The following BMP2K variants were observed in gnomAD, a reference collection of about 807,000 sequenced individuals.
BMP2K encodes BMP-2-inducible protein kinase.
BMP2K carries 74 observed loss-of-function variants against 116.0 expected under a neutral mutation model. The observed-to-expected ratio is 0.64, with a 90% CI of 0.53 to 0.77. The LOEUF is 0.77. BMP2K is among the 30% of genes least tolerant of loss of function. The pLI, the probability that BMP2K is intolerant of heterozygous loss-of-function variation, is 0.00. For missense variants in BMP2K, 1,365 were observed against 1,403.6 expected (o/e 0.97, Z 0.44); for synonymous variants, 486 against 502.5 (o/e 0.97, Z 0.44).
chr4:78,870,970 GCAGCAA>G lies in BMP2K; in HGVS notation c.1431_1436del (p.Gln485_Gln486del), dbSNP rs748754486. 8.1e-6 allele frequency: 13 copies of G among 1,610,576 alleles called. No homozygotes were observed. The highest frequency in any genetic ancestry group is 1.7e-4 in the Middle Eastern group (1 of 6,048). On this transcript the variant is annotated inframe_deletion, in exon 11 of 16. Coordinates refer to ENST00000502613, the MANE Select transcript of BMP2K (RefSeq NM_198892.2). The stretch of plus-strand genomic sequence containing the variant: ...AGCAGCAGCAACAGCAACAGCAGCA[GCAGCAA>G]CAGCAACAGCAGCAGCAGCAGCAGC...
At chr4:78,867,964 G>A (rs1732136898) in intron 10 of BMP2K, among the ~76,000 whole-genome samples, 1 of 152,142 alleles carries the variant, frequency 6.6e-6, no homozygotes, top group Non-Finnish European at 1.5e-5. Context: ...GGAGGCTGAG[G>A]CACAAGAGTC....
Position 78,859,613 on chromosome 4 carries a change from A to C in BMP2K, c.913A>C (p.Arg305=). The C allele has an allele frequency of 6.2e-7, 1 of 1,610,578 alleles. No homozygotes were observed. Among genetic ancestry groups the C allele is most frequent in the Non-Finnish European group, 8.5e-7 (1 of 1,178,254 alleles). The change falls in exon 8 of 16, where the codon AGA becomes CGA. Residue 305 remains arginine (R), a synonymous_variant. Coordinates refer to ENST00000502613, the MANE Select transcript of BMP2K (RefSeq NM_198892.2). ...RFMLEPDPEH[R]PDIFQVSYFA... ...CATGCTTGAACCAGATCCGGAACAT[A>C]GACCTGATATATTTCAAGTGTCATA...
intron 1 of BMP2K, among the ~76,000 whole-genome samples, chr4:78,789,650 A>C (rs1578467760): frequency 6.6e-6 from 1 of 152,238 alleles, no homozygotes. Context: ...CATGTGTTAC[A>C]GTTACTTGAG....
At chr4:78,859,997 T>A (rs1202045762) in intron 8 of BMP2K, 1 of 535,892 alleles carries the variant, frequency 1.9e-6, no homozygotes, top group Non-Finnish European at 3.5e-6. Flanking sequence ...CCTAACAGTT[T>A]AATAAACAGG....
intron 1 of BMP2K, among the ~76,000 whole-genome samples, chr4:78,792,828 A>G (rs1244578028): frequency 6.6e-6 from 1 of 152,234 alleles, no homozygotes; most frequent in East Asian, 1.9e-4. Context: ...TTAAGAAAGT[A>G]CTAATTATCA....
intron 1 of BMP2K, among the ~76,000 whole-genome samples, chr4:78,796,270 G>T (rs1235415251): frequency 3.3e-5 from 5 of 151,592 alleles, no homozygotes; most frequent in African/African-American, 1.2e-4. Context: ...ATCATTCTCA[G>T]TAAACTATTG....
At chr4:78,849,715 C>A (rs1384707722) in intron 6 of BMP2K, among the ~76,000 whole-genome samples, 3 of 151,446 alleles carry the variant, frequency 2.0e-5, no homozygotes, top group Non-Finnish European at 4.4e-5. Flanking sequence ...AACCTGTTAT[C>A]CCTACTTCAG....
intron 1 of BMP2K, among the ~76,000 whole-genome samples, chr4:78,800,293 GT>G (rs1728505935): frequency 6.6e-6 from 1 of 152,196 alleles, no homozygotes; most frequent in Admixed American, 6.5e-5. Context: ...AGAAGGCTGT[GT>G]TTACTTGGCA....
chr4:78,780,034 CAT>C (rs2109914196), intron 1 of BMP2K, among the ~76,000 whole-genome samples: 1 of 152,264 alleles, frequency 6.6e-6, no homozygotes, highest in East Asian at 1.9e-4. Flanking sequence ...TTGTCAGGCT[CAT>C]ATAATTAATT....
chr4:78,871,883 C>G lies in BMP2K; in HGVS notation c.1543C>G (p.Gln515Glu), dbSNP rs1408993498. The G allele has an allele frequency of 6.2e-7, 1 of 1,613,006 alleles. No homozygotes were observed. The highest frequency in any genetic ancestry group is 8.5e-7 in the Non-Finnish European group (1 of 1,179,452). Reference sequence around the variant, plus strand: ...TGCAACACAGCAGCAACAGATGCTTCAACAACAATTTTTAATGCATTCGGT... The same window carrying G: ...TGCAACACAGCAGCAACAGATGCTTGAACAACAATTTTTAATGCATTCGGT... ...QHATQQQQML[Q>E]QQFLMHSVYQ... The change falls in exon 12 of 16, where the codon CAA becomes GAA. Residue 515 changes from glutamine to glutamate, a missense_variant. Gln to Glu is a conservative substitution (Grantham distance 29). Transcript: ENST00000502613.
intron 13 of BMP2K, among the ~76,000 whole-genome samples, chr4:78,878,256 A>G (rs1458081506): frequency 6.6e-6 from 1 of 152,190 alleles, no homozygotes; most frequent in African/African-American, 2.4e-5. Flanking sequence ...TAACCAAGGC[A>G]TTTGATCACT....
At chr4:78,847,845 C>T (rs3775515) in intron 6 of BMP2K, among the ~76,000 whole-genome samples, 26,018 of 151,350 alleles carry the variant, frequency 0.17, 4,544 homozygotes, top group African/African-American at 0.45. Context: ...TTTATAAATA[C>T]GTTTGTGATT....
rs1236761054 is a variant in BMP2K, at chr4:78,913,382, A to C, written c.*1349A>C. ...TAATTAGAAACTTGAGGTTTTATAG[A>C]AATCATTTAATGATAGAGATTACAT... On this transcript the variant is annotated 3_prime_UTR_variant, in exon 16 of 16. Coordinates refer to ENST00000502613, the MANE Select transcript of BMP2K (RefSeq NM_198892.2). 6.6e-6 allele frequency: 1 copy of C among 152,184 alleles called. No homozygotes were observed. Among genetic ancestry groups the C allele is most frequent in the African/African-American group, 2.4e-5 (1 of 41,462 alleles). The allele number at this position is 152,184 out of a possible 1,614,324, so 9.4% of individuals were successfully genotyped here.
intron 2 of BMP2K, 38 bp from the exon 3 acceptor site, chr4:78,833,544 G>A (rs373570708): frequency 1.7e-5 from 23 of 1,349,904 alleles, no homozygotes; most frequent in Non-Finnish European, 2.4e-5. Flanking sequence ...ACCTTTAAAT[G>A]TACATTTTCC....
At chr4:78,903,979 AGGTC>A (rs1172449265) in intron 15 of BMP2K, among the ~76,000 whole-genome samples, 7 of 151,986 alleles carry the variant, frequency 4.6e-5, no homozygotes, top group Non-Finnish European at 7.4e-5. Flanking sequence ...AAATTTAGGC[AGGTC>A]TCAGATTTCT....
intron 15 of BMP2K, among the ~76,000 whole-genome samples, chr4:78,887,555 AT>A (rs1350293670): frequency 6.6e-6 from 1 of 152,212 alleles, no homozygotes; most frequent in Non-Finnish European, 1.5e-5. Flanking sequence ...GTTGAAAAAA[AT>A]ATTTAAAGAT....
chr4:78,895,283 C>T (rs908179612), intron 15 of BMP2K, among the ~76,000 whole-genome samples: 8 of 152,126 alleles, frequency 5.3e-5, no homozygotes, highest in African/African-American at 1.9e-4. Flanking sequence ...CAAAAACGTA[C>T]ACCTGTATTT....
Position 78,842,214 on chromosome 4 carries a change from A to T in BMP2K, c.404-171A>T, listed in dbSNP as rs572702722. Among the ~76,000 whole-genome samples the T allele has an allele frequency of 4.9e-4, 74 of 152,232 alleles. 1 individual carries two copies. The South Asian group carries it at 8.3e-3, about 17-fold the overall frequency. On this transcript the variant is annotated intron_variant, in intron 3 of 15. Coordinates refer to ENST00000502613, the MANE Select transcript of BMP2K (RefSeq NM_198892.2). Reference sequence around the variant, plus strand: ...TGATCTTTTGAGATGTAAAATGTGAAAAAATGTGTGTCATTGAATTAATAC... The same window carrying T: ...TGATCTTTTGAGATGTAAAATGTGATAAAATGTGTGTCATTGAATTAATAC...
chr4:78,788,543 A>G (rs1727844024), intron 1 of BMP2K, among the ~76,000 whole-genome samples: 1 of 152,160 alleles, frequency 6.6e-6, no homozygotes, highest in Non-Finnish European at 1.5e-5. Flanking sequence ...ATCTTTTAGC[A>G]AAATGTTTAT....
Sources: allele counts gnomAD v4.1 joint callset (sites outside exome capture counted in the v4.1 genomes callset), GRCh38; gene constraint gnomAD v4.1.1; transcripts MANE v1.5; gene names NCBI Gene and HGNC (gene_info 2026-07-23, HGNC 2026-07-21).